KLHDC1: variants seen among roughly 807,000 people sequenced by gnomAD.
KLHDC1 encodes kelch domain containing 1, also known as kelch domain-containing protein 1.
KLHDC1 carries 53 observed loss-of-function variants against 68.3 expected under a neutral mutation model. That is an observed-to-expected ratio of 0.78 (90% CI 0.62 to 0.98). The LOEUF (loss-of-function observed/expected upper bound fraction) is 0.98. KLHDC1 is among the 50% of genes least tolerant of loss of function. The pLI is 0.00. For synonymous variants in KLHDC1, 148 were observed against 159.0 expected, an observed-to-expected ratio of 0.93 and a Z score of 0.52; for missense variants, 470 against 492.3, an observed-to-expected ratio of 0.95 and a Z score of 0.43.
At chr14:49,750,810 A>AG (rs1889305420) in intron 12 of KLHDC1, among the ~76,000 whole-genome samples, 2 of 152,308 alleles carry the variant, frequency 1.3e-5, no homozygotes, top group African/African-American at 4.8e-5. Flanking sequence ...ATGGAATCAA[A>AG]GGGGAAAAGA....
At chr14:49,707,716 T>A (rs1888094506) in intron 1 of KLHDC1, 1 of 141,646 alleles carries the variant, frequency 7.1e-6, no homozygotes, top group Non-Finnish European at 1.5e-5. Flanking sequence ...AGTGGTACTA[T>A]CATAGCTCAC....
chr14:49,744,381 T>G (rs529101163), intron 12 of KLHDC1, among the ~76,000 whole-genome samples: 1 of 152,282 alleles, frequency 6.6e-6, no homozygotes, highest in South Asian at 2.1e-4. Flanking sequence ...TTAGTTTATA[T>G]GGTAATATTA....
intron 6 of KLHDC1, among the ~76,000 whole-genome samples, chr14:49,728,391 T>C (rs2139756220): frequency 6.6e-6 from 1 of 152,332 alleles, no homozygotes; most frequent in East Asian, 1.9e-4. Flanking sequence ...TGTAGAGAAG[T>C]GTTATCAATT....
chr14:49,743,273 G>A (rs1423609558), intron 11 of KLHDC1, among the ~76,000 whole-genome samples: 4 of 150,542 alleles, frequency 2.7e-5, no homozygotes, highest in East Asian at 2.0e-4. Flanking sequence ...GGTAGTGGGC[G>A]CCTGTAATTC....
chr14:49,732,680 A>G, intron 8 of KLHDC1, 24 bp from the exon 9 acceptor site: 1 of 1,187,560 alleles, frequency 8.4e-7, no homozygotes, highest in Non-Finnish European at 1.2e-6. Flanking sequence ...TAGTACCTAG[A>G]CTTTCTTTTT....
intron 10 of KLHDC1, among the ~76,000 whole-genome samples, chr14:49,735,981 C>G (rs541029175): frequency 6.6e-6 from 1 of 152,170 alleles, no homozygotes; most frequent in Admixed American, 6.5e-5. Context: ...TGCCACTGCA[C>G]TCCAGCCTGG....
At chr14:49,702,614 C>T (rs765201010) in intron 1 of KLHDC1, among the ~76,000 whole-genome samples, 8 of 152,168 alleles carry the variant, frequency 5.3e-5, no homozygotes, top group Non-Finnish European at 7.3e-5. Flanking sequence ...CTAGTTGTCT[C>T]CTACTTATCC....
At chr14:49,710,595 C>T (rs1396230726) in intron 4 of KLHDC1, among the ~76,000 whole-genome samples, 5 of 152,076 alleles carry the variant, frequency 3.3e-5, no homozygotes, top group Admixed American at 2.0e-4. Flanking sequence ...TGAGTAAATC[C>T]AGTGCTTATA....
intron 4 of KLHDC1, among the ~76,000 whole-genome samples, chr14:49,713,116 A>AT (rs1325305597): frequency 4.7e-4 from 67 of 143,868 alleles, no homozygotes; most frequent in African/African-American, 1.1e-3. Context: ...CACCCGGGTA[A>AT]TTTTTTTTTT....
chr14:49,700,684 T>C (rs1379040236), intron 1 of KLHDC1, among the ~76,000 whole-genome samples: 1 of 152,176 alleles, frequency 6.6e-6, no homozygotes, highest in Admixed American at 6.5e-5. Flanking sequence ...TTGAAAAGAA[T>C]GAAGGTGGAA....
At chr14:49,746,935 G>T (rs1273010052) in intron 12 of KLHDC1, among the ~76,000 whole-genome samples, 1 of 148,006 alleles carries the variant, frequency 6.8e-6, no homozygotes, top group Admixed American at 6.7e-5. Flanking sequence ...CACCCTTCCA[G>T]TTTTAGCTTT....
At chr14:49,696,066 A>C (rs1887733108) in intron 1 of KLHDC1, among the ~76,000 whole-genome samples, 2 of 143,506 alleles carry the variant, frequency 1.4e-5, no homozygotes, top group South Asian at 2.2e-4. Context: ...ACTCTGTCTC[A>C]GAAAAAAAAA....
At chr14:49,740,372 C>G (rs915406447) in intron 11 of KLHDC1, among the ~76,000 whole-genome samples, 190 bp downstream of exon 11, 1 of 152,066 alleles carries the variant, frequency 6.6e-6, no homozygotes, top group Admixed American at 6.5e-5. Flanking sequence ...GAGTCTTGCT[C>G]TGTCCCCCAG....
At chr14:49,702,876 T>C (rs79450145) in intron 1 of KLHDC1, among the ~76,000 whole-genome samples, 1,581 of 152,240 alleles carry the variant, frequency 0.01, 15 homozygotes, top group Admixed American at 0.015. Flanking sequence ...CAATACAGTT[T>C]AGGAAGATCA....
intron 4 of KLHDC1, among the ~76,000 whole-genome samples, chr14:49,722,030 G>A (rs1302911189): frequency 6.6e-6 from 1 of 152,160 alleles, no homozygotes; most frequent in Non-Finnish European, 1.5e-5. Context: ...GCTCTCCTCT[G>A]CCTCCAGCTG....
intron 12 of KLHDC1, among the ~76,000 whole-genome samples, chr14:49,747,584 T>C (rs902671081): frequency 6.6e-6 from 1 of 152,288 alleles, no homozygotes; most frequent in African/African-American, 2.4e-5. Flanking sequence ...GATATATAGA[T>C]AGAAAACTTT....
chr14:49,699,187 A>G (rs946476844), intron 1 of KLHDC1, among the ~76,000 whole-genome samples: 29 of 149,272 alleles, frequency 1.9e-4, no homozygotes, highest in Non-Finnish European at 3.9e-4. Flanking sequence ...AAAAAATCAC[A>G]GTTCTTCAGG....
chr14:49,708,200 A>T (rs2139736938), intron 1 of KLHDC1: 1 of 151,310 alleles, frequency 6.6e-6, no homozygotes, highest in East Asian at 2.0e-4. Context: ...CCTCCTGAGT[A>T]GCTGGGATTA....
intron 4 of KLHDC1, among the ~76,000 whole-genome samples, chr14:49,719,696 G>T (rs1888477108): frequency 6.6e-6 from 1 of 152,078 alleles, no homozygotes. Flanking sequence ...CTCCCAAAGT[G>T]CTGGGATTAC....
Sources: gnomAD v4.1 joint callset for allele counts (sites outside exome capture counted in the v4.1 genomes callset) on GRCh38, gnomAD v4.1.1 for gene constraint, MANE v1.5 for transcripts, NCBI Gene and HGNC (gene_info 2026-07-23, HGNC 2026-07-21) for gene names.